SLCO3A1: variants seen among roughly 807,000 people sequenced by gnomAD.
The protein encoded by SLCO3A1 is PGE1 transporter.
In SLCO3A1, 27 loss-of-function variants were observed where a neutral mutation model predicts 63.1. The ratio of observed to expected loss-of-function variants is 0.43; its 90% confidence interval spans 0.32 to 0.59. The LOEUF is 0.59. Ranked by LOEUF, SLCO3A1 falls within the 20% of genes least tolerant of loss-of-function variation. The pLI, the probability that SLCO3A1 is intolerant of heterozygous loss-of-function variation, is 0.09. For synonymous variants in SLCO3A1, 473 were observed against 409.9 expected, an observed-to-expected ratio of 1.15 and a Z score of -1.86; for missense variants, 773 against 945.8, an observed-to-expected ratio of 0.82 and a Z score of 2.40.
intron 2 of SLCO3A1, among the ~76,000 whole-genome samples, chr15:91,975,513 C>T (rs1901069306): frequency 6.6e-6 from 1 of 152,230 alleles, no homozygotes; most frequent in Non-Finnish European, 1.5e-5. Context: ...GGTGAGAGCC[C>T]TGCTTATGAA....
chr15:92,118,497 C>T (rs2047822622), intron 4 of SLCO3A1, among the ~76,000 whole-genome samples: 1 of 152,172 alleles, frequency 6.6e-6, no homozygotes, highest in Non-Finnish European at 1.5e-5. Flanking sequence ...GTATATCTGC[C>T]AGTTCTTGAC....
At chr15:91,910,493 C>A (rs1042942973) in intron 1 of SLCO3A1, among the ~76,000 whole-genome samples, 1 of 152,222 alleles carries the variant, frequency 6.6e-6, no homozygotes, top group African/African-American at 2.4e-5. Context: ...GCATGCACAC[C>A]AGTGATGTGG....
intron 2 of SLCO3A1, among the ~76,000 whole-genome samples, chr15:91,947,011 A>G (rs1025092723): frequency 6.6e-6 from 1 of 152,216 alleles, no homozygotes; most frequent in African/African-American, 2.4e-5. Context: ...TTCCATCCCC[A>G]GTCATACCCC....
intron 2 of SLCO3A1, among the ~76,000 whole-genome samples, chr15:92,079,514 G>A (rs1240195651): frequency 6.6e-6 from 1 of 152,172 alleles, no homozygotes; most frequent in Admixed American, 6.5e-5. Context: ...GAGCTTCCTT[G>A]GTGTCTCTGG....
In SLCO3A1 at chr15:91,882,776, C is replaced by T. The variant is rs1897624116; in HGVS notation, c.180+28688C>T. On this transcript the variant is annotated intron_variant, in intron 1 of 9. Transcript: ENST00000318445. This position sits in a 1 kb window ranked among gnomAD's most constrained non-coding sequence, Gnocchi z 4.4. Reference sequence around the variant, plus strand: ...ACCTCAGGTCATCTGCCCATCTCGGCCTTCCAAAGTGCTGAGATTACAGGT... The same window carrying T: ...ACCTCAGGTCATCTGCCCATCTCGGTCTTCCAAAGTGCTGAGATTACAGGT... Among the ~76,000 whole-genome samples the T allele has an allele frequency of 1.3e-5, 2 of 152,214 alleles. No individual in the cohort carries two copies. The highest frequency in any genetic ancestry group is 2.9e-5 in the Non-Finnish European group (2 of 68,042).
At chr15:92,153,271 C>T (rs2048330461) in intron 9 of SLCO3A1, among the ~76,000 whole-genome samples, 1 of 152,044 alleles carries the variant, frequency 6.6e-6, no homozygotes, top group Non-Finnish European at 1.5e-5. Context: ...TGAAAAAATA[C>T]TCACTGTAAT....
At chr15:92,101,885 T>C (rs1227653813) in intron 3 of SLCO3A1, among the ~76,000 whole-genome samples, 1 of 152,080 alleles carries the variant, frequency 6.6e-6, no homozygotes, top group Non-Finnish European at 1.5e-5. Flanking sequence ...TGAGCCAGCG[T>C]CAGCTTTCCC....
chr15:91,923,254 CA>C (rs1482654716), intron 2 of SLCO3A1, among the ~76,000 whole-genome samples: 2 of 152,178 alleles, frequency 1.3e-5, no homozygotes, highest in Non-Finnish European at 2.9e-5. Context: ...TCTCCATTTC[CA>C]GATGTAGAAA....
At position 91,997,706 on chromosome 15, in the gene SLCO3A1, C is replaced by G. The variant is rs576410182; in HGVS notation, c.646+81248C>G. On this transcript the variant is annotated intron_variant, in intron 2 of 9. Coordinates refer to ENST00000318445, the MANE Select transcript of SLCO3A1 (RefSeq NM_013272.4). ...AATAGAGAACCAATAAATAAAGCTC[C>G]ACACCTACAGCTCTCTGATCTTCAA... Among the ~76,000 whole-genome samples the G allele has an allele frequency of 2.6e-5, 4 of 152,238 alleles. No individual in the cohort carries two copies. The South Asian group carries it at 8.3e-4, about 32-fold the overall frequency.
intron 1 of SLCO3A1, among the ~76,000 whole-genome samples, chr15:91,909,079 C>CA (rs566375408): frequency 7.2e-4 from 110 of 151,780 alleles, no homozygotes; most frequent in Middle Eastern, 3.4e-3. Flanking sequence ...CAAAACAAAA[C>CA]AAACAAACAA....
chr15:91,974,879 T>C (rs1901038045), intron 2 of SLCO3A1, among the ~76,000 whole-genome samples: 1 of 152,052 alleles, frequency 6.6e-6, no homozygotes, highest in Admixed American at 6.5e-5. Flanking sequence ...AGAAAGCAAA[T>C]CTTGCTGGCA....
chr15:92,168,746 A>G (rs936853689), downstream of SLCO3A1, among the ~76,000 whole-genome samples: 3 of 152,238 alleles, frequency 2.0e-5, no homozygotes, highest in African/African-American at 7.2e-5. Context: ...CTCATTTCCA[A>G]GAATAAAGTA....
chr15:91,986,462 T>TA (rs1415248091), intron 2 of SLCO3A1, among the ~76,000 whole-genome samples: 7 of 144,146 alleles, frequency 4.9e-5, no homozygotes, highest in African/African-American at 1.7e-4. Flanking sequence ...TTTAATTCTC[T>TA]AGTAGCCATT....
At position 91,856,074 on chromosome 15, in the gene SLCO3A1, A is replaced by G. The variant is rs74028338; in HGVS notation, c.180+1986A>G. Among the ~76,000 whole-genome samples the G allele has an allele frequency of 3.9e-3, 593 of 151,906 alleles. 6 individuals carry two copies. The highest frequency in any genetic ancestry group is 0.014 in the African/African-American group (569 of 41,384). The stretch of plus-strand genomic sequence containing the variant: ...AAGCCGAGTACTCCTGGAGTGGTGG[A>G]CTTCTGGAGGCAGGGCTGGCCCCAG... On this transcript the variant is annotated intron_variant, in intron 1 of 9. Coordinates refer to ENST00000318445, the MANE Select transcript of SLCO3A1 (RefSeq NM_013272.4). This position sits in a 1 kb window ranked among gnomAD's most constrained non-coding sequence, Gnocchi z 4.9.
intron 2 of SLCO3A1, among the ~76,000 whole-genome samples, chr15:91,979,177 A>G (rs1901237464): frequency 6.6e-6 from 1 of 152,180 alleles, no homozygotes; most frequent in South Asian, 2.1e-4. Context: ...AAAGCTTGGG[A>G]CCAGAAGTGT....
chr15:91,962,978 T>C (rs1900506142), intron 2 of SLCO3A1, among the ~76,000 whole-genome samples: 1 of 152,194 alleles, frequency 6.6e-6, no homozygotes, highest in East Asian at 1.9e-4. Context: ...GTGATTAACT[T>C]CTTCCAATCT....
chr15:92,024,641 C>A lies in SLCO3A1; in HGVS notation c.647-70240C>A, dbSNP rs111446535. On this transcript the variant is annotated intron_variant, in intron 2 of 9. Coordinates refer to ENST00000318445, the MANE Select transcript of SLCO3A1 (RefSeq NM_013272.4). ...AGCTTTCAAAAGGCAAAGTCAAAAT[C>A]TTCATGCTGCTTACATCCTAGTATA... Among the ~76,000 whole-genome samples, 922 of 152,304 alleles carry A rather than the reference C, an allele frequency of 6.1e-3. 20 individuals are homozygous for A. Among genetic ancestry groups the A allele is most frequent in the African/African-American group, 0.021 (880 of 41,548 alleles).
chr15:91,902,783 T>C (rs1053883644), intron 1 of SLCO3A1, among the ~76,000 whole-genome samples: 3 of 152,172 alleles, frequency 2.0e-5, no homozygotes, highest in African/African-American at 7.2e-5. Flanking sequence ...ATGGGGCAGA[T>C]AAAGTGTGGA....
chr15:92,111,662 A>G (rs1225978140), intron 4 of SLCO3A1, among the ~76,000 whole-genome samples: 3 of 152,214 alleles, frequency 2.0e-5, no homozygotes, highest in Admixed American at 6.5e-5. Context: ...AGGTCCATAG[A>G]TAAGCTACAG....
Sources: allele counts gnomAD v4.1 joint callset (sites outside exome capture counted in the v4.1 genomes callset), GRCh38; gene constraint gnomAD v4.1.1; non-coding constraint Gnocchi (gnomAD v3.1); transcripts MANE v1.5; gene names NCBI Gene and HGNC (gene_info 2026-07-23, HGNC 2026-07-21).